TBC1D9B: variants seen among roughly 807,000 people sequenced by gnomAD.
TBC1D9B encodes TBC1 domain family, member 9B (with GRAM domain).
In TBC1D9B, 87 loss-of-function variants were observed where a neutral mutation model predicts 121.1. That is an observed-to-expected ratio of 0.72 (90% CI 0.60 to 0.86). TBC1D9B has a LOEUF of 0.86. Among genes scored for constraint, TBC1D9B ranks in the 40% least tolerant of loss-of-function variants. The probability of loss-of-function intolerance (pLI) is 0.00; values close to 1 mark genes in which losing one functional copy is unlikely to be tolerated. For synonymous variants in TBC1D9B, 668 were observed against 670.1 expected (o/e 1.00, Z 0.05); for missense variants, 1,540 against 1,628.6 (o/e 0.95, Z 0.94).
rs1760661672 is a variant in TBC1D9B at position 179,885,608 on chromosome 5, T to A, written c.1254+2495A>T. 6.7e-6 allele frequency among the ~76,000 whole-genome samples: 1 copy of A among 149,314 alleles called. No individual in the cohort carries two copies. Among genetic ancestry groups the A allele is most frequent in the South Asian group, 2.1e-4 (1 of 4,728 alleles). On this transcript the variant is annotated intron_variant, in intron 7 of 20. Coordinates refer to ENST00000355235, the MANE Select transcript of TBC1D9B (RefSeq NM_015043.4). The surrounding 1 kb of genome is among the most constrained non-coding windows in gnomAD (Gnocchi z 4.5). ...TGTCCCCCCCCCAAAAAAAAAAAGA[T>A]GGAGGTATTTTACGTTTTTCTTTTC... is the stretch of plus-strand genomic sequence containing the variant.
rs553518728 is a variant in TBC1D9B, at chr5:179,904,325, C to T, written c.229+377G>A. ...CTGCAAGCTCCGCCTCCCGGGTTCACGCCATTCTCCTGCCTCAGCCTCCCG... is the reference window on the plus strand; with the variant it reads ...CTGCAAGCTCCGCCTCCCGGGTTCATGCCATTCTCCTGCCTCAGCCTCCCG... On this transcript the variant is annotated intron_variant, in intron 2 of 20. Coordinates refer to ENST00000355235, the MANE Select transcript of TBC1D9B (RefSeq NM_015043.4). This position sits in a 1 kb window ranked among gnomAD's most constrained non-coding sequence, Gnocchi z 4.2. Among the ~76,000 whole-genome samples the T allele has an allele frequency of 6.0e-5, 9 of 150,470 alleles. No individual in the cohort carries two copies. The highest frequency in any genetic ancestry group is 2.0e-4 in the East Asian group (1 of 5,106).
chr5:179,872,848 G>GGCCCCCCCCCCCCCCCCCCC, intron 14 of TBC1D9B, 44 bp downstream of exon 14: 1 of 1,457,248 alleles, frequency 6.9e-7, no homozygotes. Context: ...AGGCACTGCT[G>GGCCCCCCCCCCCCCCCCCCC]CCCCCCCAGC....
chr5:179,872,848 GC>G lies in TBC1D9B; in HGVS notation c.2415+43del, dbSNP rs538109139. 3.2e-5 allele frequency: 46 copies of G among 1,456,990 alleles called. 1 individual carries two copies. The highest frequency in any genetic ancestry group is 4.5e-5 in the African/African-American group (3 of 66,758). The allele number at this position is 1,456,990 out of a possible 1,614,324, so 90.3% of individuals were successfully genotyped here. ...CCTGCTCTGTGGGGAAGGCACTGCT[GC>G]CCCCCCAGCCCAGCCCCTGCCCAGC... On this transcript the variant is annotated intron_variant, in intron 14 of 20. Coordinates refer to ENST00000355235, the MANE Select transcript of TBC1D9B (RefSeq NM_015043.4).
At chr5:179,883,811 CT>C (rs145661506) in intron 7 of TBC1D9B, among the ~76,000 whole-genome samples, 7,368 of 152,228 alleles carry the variant, frequency 0.048, 605 homozygotes, top group African/African-American at 0.17. Context: ...TGATCAGCAT[CT>C]TTTCCTGTTC....
In TBC1D9B at chr5:179,885,585, T is replaced by TC. The variant is rs150215348; in HGVS notation, c.1254+2517dup. On this transcript the variant is annotated intron_variant, in intron 7 of 20. Coordinates refer to ENST00000355235, the MANE Select transcript of TBC1D9B (RefSeq NM_015043.4). The surrounding 1 kb of genome is among the most constrained non-coding windows in gnomAD (Gnocchi z 4.5). ...GCCTAGGTGACAGAGCAAGACTCTG[T>TC]CCCCCCCCCAAAAAAAAAAAGATGG... Among the ~76,000 whole-genome samples the TC allele has an allele frequency of 2.1e-4, 24 of 115,250 alleles. No homozygotes were observed. Among genetic ancestry groups the TC allele is most frequent in the East Asian group, 4.3e-4 (1 of 2,330 alleles). 75.6% of individuals were successfully genotyped at this position (115,250 alleles called of 152,430 possible). A position where few individuals can be genotyped will look rare whatever the true frequency, so the allele number is the denominator to read the frequency against.
In TBC1D9B at chr5:179,862,490, C is replaced by A; in HGVS notation, c.*958G>T. 2.2e-6 allele frequency: 1 copy of A among 446,220 alleles called. No individual in the cohort carries two copies. 27.6% of individuals were successfully genotyped at this position (446,220 alleles called of 1,614,324 possible). ...GCACTTCCTTCACCAGGACCCACAACCCCTGCCCATGAAGACCTGTGGAGC... is the reference window on the plus strand; with the variant it reads ...GCACTTCCTTCACCAGGACCCACAAACCCTGCCCATGAAGACCTGTGGAGC... On this transcript the variant is annotated 3_prime_UTR_variant, in exon 21 of 21. Transcript: ENST00000355235.
At position 179,878,393 on chromosome 5, in the gene TBC1D9B, G is replaced by C; in HGVS notation, c.1698C>G (p.Ala566=). 2.5e-6 allele frequency: 4 copies of C among 1,613,986 alleles called. No homozygotes were observed. Among genetic ancestry groups the C allele is most frequent in the Non-Finnish European group, 3.4e-6 (4 of 1,179,980 alleles). Residue 566 remains alanine (A), a synonymous_variant, in exon 10 of 21, where the codon GCC becomes GCG. Coordinates refer to ENST00000355235, the MANE Select transcript of TBC1D9B (RefSeq NM_015043.4). ...CAGCAATCCCCAGCTCGTTCTGGAA[G>C]GCAGGGTGCTCGGGCATGGAGCGGT... ...DLHRSMPEHP[A]FQNELGIAAL...
chr5:179,864,586 TGGGGAG>T (rs1759950754), intron 20 of TBC1D9B, among the ~76,000 whole-genome samples: 1 of 5,586 alleles, frequency 1.8e-4, no homozygotes, highest in African/African-American at 7.6e-4. Context: ...AGGGGGATCC[TGGGGAG>T]GGGGGTGCTG....
At chr5:179,866,120 C>G (rs549260716) in intron 18 of TBC1D9B, 1 of 528,042 alleles carries the variant, frequency 1.9e-6, no homozygotes, top group Non-Finnish European at 3.4e-6. Flanking sequence ...AAATAAAGGC[C>G]GCCAAACCCT....
At position 179,904,606 on chromosome 5, in the gene TBC1D9B, A is replaced by G. The variant is rs1761259733; in HGVS notation, c.229+96T>C. ...TTGGGCTATGCTGTCAGCAGGGAATACCACCCAGACACGTGGGCTACACAC... is the reference window on the plus strand; with the variant it reads ...TTGGGCTATGCTGTCAGCAGGGAATGCCACCCAGACACGTGGGCTACACAC... On this transcript the variant is annotated intron_variant, in intron 2 of 20. Coordinates refer to ENST00000355235, the MANE Select transcript of TBC1D9B (RefSeq NM_015043.4). The surrounding 1 kb of genome is among the most constrained non-coding windows in gnomAD (Gnocchi z 4.2). 1 of 1,057,290 alleles carries G rather than the reference A, an allele frequency of 9.5e-7. No homozygotes were observed. Among genetic ancestry groups the G allele is most frequent in the South Asian group, 1.4e-5 (1 of 70,364 alleles). The allele number at this position is 1,057,290 out of a possible 1,614,324, so 65.5% of individuals were successfully genotyped here.
chr5:179,891,280 C>G lies in TBC1D9B; in HGVS notation c.1044+99G>C. Reference sequence around the variant, plus strand: ...TGGGCTAGGGCATCCTCCCAGGTACCCCCCAGTGAGACAGGGCAGAGCAGG... The same window carrying G: ...TGGGCTAGGGCATCCTCCCAGGTACGCCCCAGTGAGACAGGGCAGAGCAGG... On this transcript the variant is annotated intron_variant, in intron 6 of 20. Transcript: ENST00000355235. This position sits in a 1 kb window ranked among gnomAD's most constrained non-coding sequence, Gnocchi z 4.3. The G allele has an allele frequency of 7.2e-7, 1 of 1,385,852 alleles. No homozygotes were observed. The allele number at this position is 1,385,852 out of a possible 1,614,324, so 85.8% of individuals were successfully genotyped here.
At chr5:179,872,608 C>A in intron 14 of TBC1D9B, 2 of 446,872 alleles carry the variant, frequency 4.5e-6, no homozygotes, top group Non-Finnish European at 4.1e-6. Flanking sequence ...GGAAGCCAGG[C>A]TGGGCGGGCT....
chr5:179,900,556 A>G (rs1353328604), intron 2 of TBC1D9B, among the ~76,000 whole-genome samples: 2 of 152,198 alleles, frequency 1.3e-5, no homozygotes, highest in Non-Finnish European at 2.9e-5. Flanking sequence ...GCGAACACTG[A>G]GTTAGCGAAT....
intron 3 of TBC1D9B, among the ~76,000 whole-genome samples, chr5:179,898,289 C>T (rs904301458): frequency 7.9e-5 from 12 of 151,634 alleles, no homozygotes; most frequent in African/African-American, 2.9e-4. Flanking sequence ...TTAGCTGGAA[C>T]TACAGGTGCC....
intron 18 of TBC1D9B, chr5:179,867,522 G>C (rs932963057): frequency 1.3e-6 from 2 of 1,556,754 alleles, no homozygotes; most frequent in Admixed American, 3.9e-5. Flanking sequence ...AGGAGAGGCA[G>C]AGGGGCAGAG....
intron 18 of TBC1D9B, 65 bp downstream of exon 18, chr5:179,867,713 A>C (rs1760059930): frequency 1.2e-6 from 2 of 1,602,696 alleles, no homozygotes; most frequent in African/African-American, 2.7e-5. Context: ...CCCGAGCCCC[A>C]CAGGAAGGCG....
Position 179,886,679 on chromosome 5 carries a change from G to A in TBC1D9B, c.1254+1424C>T, listed in dbSNP as rs529250504. ...CACGGCTCTAGAGCATGGAGGACAC[G>A]CACAGCCCCAGCTCCCACGCCCGCT... On this transcript the variant is annotated intron_variant, in intron 7 of 20. Transcript: ENST00000355235. 3.5e-3 allele frequency among the ~76,000 whole-genome samples: 533 copies of A among 152,366 alleles called. 1 individual carries two copies. Among genetic ancestry groups the A allele is most frequent in the Middle Eastern group, 0.01 (3 of 294 alleles).
In TBC1D9B at chr5:179,891,321, A is replaced by G; in HGVS notation, c.1044+58T>C. ...GCAGAGCAGGACAGGCTGGTCCCTG[A>G]GCCCACTGACACCTCGGGGCTGGAA... is the stretch of plus-strand genomic sequence containing the variant. On this transcript the variant is annotated intron_variant, in intron 6 of 20. Transcript: ENST00000355235. This position sits in a 1 kb window ranked among gnomAD's most constrained non-coding sequence, Gnocchi z 4.3. The G allele has an allele frequency of 1.3e-6, 2 of 1,598,310 alleles. No individual in the cohort carries two copies. The highest frequency in any genetic ancestry group is 1.7e-6 in the Non-Finnish European group (2 of 1,166,920).
chr5:179,893,068 G>C, intron 5 of TBC1D9B, 141 bp downstream of exon 5: 1 of 1,216,934 alleles, frequency 8.2e-7, no homozygotes, highest in Non-Finnish European at 1.1e-6. Flanking sequence ...TGTTTACCTG[G>C]CTTCCTTCCC....
Sources: gnomAD v4.1 joint callset for allele counts (sites outside exome capture counted in the v4.1 genomes callset) on GRCh38, gnomAD v4.1.1 for gene constraint, Gnocchi (gnomAD v3.1) non-coding constraint, MANE v1.5 for transcripts, NCBI Gene and HGNC (gene_info 2026-07-23, HGNC 2026-07-21) for gene names.